The following TIMM44 variants were observed in gnomAD, a reference collection of about 807,000 sequenced individuals.
TIMM44 encodes the protein translocase of inner mitochondrial membrane 44.
A neutral mutation model predicts 63.8 loss-of-function variants in TIMM44; 37 were observed. That is an observed-to-expected ratio of 0.58 (90% confidence interval 0.45 to 0.76). The LOEUF is 0.76. TIMM44 is among the 30% of genes least tolerant of loss of function. The pLI, the probability that TIMM44 is intolerant of heterozygous loss-of-function variation, is 0.00. For synonymous variants in TIMM44, 239 were observed against 245.1 expected (o/e 0.98, Z 0.23); for missense variants, 573 against 603.8 (o/e 0.95, Z 0.54).
In TIMM44 at chr19:7,934,065, GC is replaced by G. The variant is rs759986163; in HGVS notation, c.543+23del. 6.2e-7 allele frequency: 1 copy of G among 1,613,120 alleles called. No individual in the cohort carries two copies. Among genetic ancestry groups the G allele is most frequent in the East Asian group, 2.2e-5 (1 of 44,872 alleles). On this transcript the variant is annotated intron_variant, in intron 5 of 12. Coordinates refer to ENST00000270538, the MANE Select transcript of TIMM44 (RefSeq NM_006351.4). The surrounding 1 kb of genome is among the most constrained non-coding windows in gnomAD (Gnocchi z 5.3). ...TGGGTTCGGCCGCCCCAGGCTGCATGCCCTAGCCCAGGACTGGGCTCACCTG... is the reference window on the plus strand; with the variant it reads ...TGGGTTCGGCCGCCCCAGGCTGCATGCCTAGCCCAGGACTGGGCTCACCTG...
chr19:7,926,932 T>A lies in TIMM44; in HGVS notation c.*255A>T. The A allele has an allele frequency of 2.0e-6, 1 of 495,522 alleles. No individual in the cohort carries two copies. The highest frequency in any genetic ancestry group is 3.7e-6 in the Non-Finnish European group (1 of 271,106). The allele number at this position is 495,522 out of a possible 1,614,324, so 30.7% of individuals were successfully genotyped here. A position where few individuals can be genotyped will look rare whatever the true frequency, so the allele number is the denominator to read the frequency against. ...CTGTGTGACCTGTGTGCACCCCAGG[T>A]GACCAGGCGCCGGGACCCCTGCAGG... On this transcript the variant is annotated 3_prime_UTR_variant, in exon 13 of 13. Transcript: ENST00000270538.
chr19:7,937,805 G>A (rs1599650896), intron 3 of TIMM44: 2 of 505,348 alleles, frequency 4.0e-6, no homozygotes, highest in Non-Finnish European at 7.1e-6. Flanking sequence ...ATCACTTGAG[G>A]TCAGGAGTTC....
At position 7,934,065 on chromosome 19, in the gene TIMM44, G is replaced by GC. The variant is rs759986163; in HGVS notation, c.543+23dup. 10 of 1,613,238 alleles carry GC rather than the reference G, an allele frequency of 6.2e-6. No homozygotes were observed. The South Asian group carries it at 1.1e-4, about 18-fold the overall frequency. On this transcript the variant is annotated intron_variant, in intron 5 of 12. Coordinates refer to ENST00000270538, the MANE Select transcript of TIMM44 (RefSeq NM_006351.4). The surrounding 1 kb of genome is among the most constrained non-coding windows in gnomAD (Gnocchi z 5.3). The stretch of plus-strand genomic sequence containing the variant: ...TGGGTTCGGCCGCCCCAGGCTGCAT[G>GC]CCCTAGCCCAGGACTGGGCTCACCT...
rs1461301247 is a variant in TIMM44 at position 7,933,736 on chromosome 19, C to G, written c.683+128G>C. On this transcript the variant is annotated intron_variant, in intron 6 of 12. Coordinates refer to ENST00000270538, the MANE Select transcript of TIMM44 (RefSeq NM_006351.4). This position sits in a 1 kb window ranked among gnomAD's most constrained non-coding sequence, Gnocchi z 4.3. ...CTCTCACCCTCAAATTCGAGGGAGC[C>G]GGGAACCTTGGGCAGAAGGCAAACT... 6.8e-7 allele frequency: 1 copy of G among 1,479,338 alleles called. No homozygotes were observed. Among genetic ancestry groups the G allele is most frequent in the African/African-American group, 1.4e-5 (1 of 72,434 alleles). 91.6% of individuals were successfully genotyped at this position (1,479,338 alleles called of 1,614,324 possible).
intron 2 of TIMM44, 98 bp downstream of exon 2, chr19:7,941,004 G>A (rs1014875336): frequency 1.3e-5 from 12 of 956,618 alleles, no homozygotes; most frequent in African/African-American, 8.0e-5. Flanking sequence ...GAGATGGTAC[G>A]AGCCACCTCT....
rs373424642 is a variant in TIMM44 at position 7,928,066 on chromosome 19, G to A, written c.1128+11C>T. The A allele has an allele frequency of 3.1e-4, 507 of 1,612,466 alleles. No homozygotes were observed. Among genetic ancestry groups the A allele is most frequent in the Non-Finnish European group, 4.1e-4 (485 of 1,178,988 alleles). ...CGATGGTGGCCCGGGCCCCCACTGCGAGGTGCTTACGTCGACGTTGTCAAT... is the reference window on the plus strand; with the variant it reads ...CGATGGTGGCCCGGGCCCCCACTGCAAGGTGCTTACGTCGACGTTGTCAAT... On this transcript the variant is annotated intron_variant, in intron 11 of 12. Transcript: ENST00000270538.
chr19:7,938,639 T>C (rs1219456586), intron 2 of TIMM44, among the ~76,000 whole-genome samples: 14 of 152,008 alleles, frequency 9.2e-5, no homozygotes, highest in Non-Finnish European at 1.6e-4. Context: ...AAACCTCATC[T>C]CTACTAAAAA....
In TIMM44 at chr19:7,927,258, C is replaced by T. The variant is rs1309443160; in HGVS notation, c.1288G>A (p.Asp430Asn). The change falls in exon 13 of 13, where the codon GAC (aspartate) becomes AAC (asparagine). Residue 430 changes from aspartate to asparagine, a missense_variant. Physicochemically the swap from Asp to Asn is conservative, Grantham distance 23 (BLOSUM62 1). Coordinates refer to ENST00000270538, the MANE Select transcript of TIMM44 (RefSeq NM_006351.4). ...CAGGCCGCGTAGGGGTTGAGCTCGT[C>T]CTGGTCTCGGCAGAGCGCCCACACG... is the stretch of plus-strand genomic sequence containing the variant. ...LYVWALCRDQ[D>N]ELNPYAAWRL... The T allele has an allele frequency of 3.7e-6, 6 of 1,612,402 alleles. No homozygotes were observed. In the South Asian group the frequency reaches 5.5e-5, roughly 15 times the overall value.
In TIMM44 at chr19:7,933,422, C is replaced by T. The variant is rs1426278508; in HGVS notation, c.769+63G>A. On this transcript the variant is annotated intron_variant, in intron 7 of 12. Transcript: ENST00000270538. This position sits in a 1 kb window ranked among gnomAD's most constrained non-coding sequence, Gnocchi z 4.3. Reference sequence around the variant, plus strand: ...TGTCTTGTGCCCAATGCAGGGGGATCACCTTGCGGTCCACCAACTGCCCGG... The same window carrying T: ...TGTCTTGTGCCCAATGCAGGGGGATTACCTTGCGGTCCACCAACTGCCCGG... The T allele has an allele frequency of 6.9e-7, 1 of 1,438,970 alleles. No homozygotes were observed. The highest frequency in any genetic ancestry group is 9.8e-7 in the Non-Finnish European group (1 of 1,020,236). The allele number at this position is 1,438,970 out of a possible 1,614,324, so 89.1% of individuals were successfully genotyped here. A position where few individuals can be genotyped will look rare whatever the true frequency, so the allele number is the denominator to read the frequency against.
rs748677678 is a variant in TIMM44, at chr19:7,933,609, C to T, written c.684-39G>A. 6.4e-7 allele frequency: 1 copy of T among 1,569,200 alleles called. No individual in the cohort carries two copies. Among genetic ancestry groups the T allele is most frequent in the East Asian group, 2.2e-5 (1 of 44,644 alleles). On this transcript the variant is annotated intron_variant, in intron 6 of 12. Transcript: ENST00000270538. The surrounding 1 kb of genome is among the most constrained non-coding windows in gnomAD (Gnocchi z 4.3). Reference sequence around the variant, plus strand: ...TGGGCCCTGGGGTGAGCGGCGGCGCCAGGGCCACCCTGTGCCCTCCTGCGG... The same window carrying T: ...TGGGCCCTGGGGTGAGCGGCGGCGCTAGGGCCACCCTGTGCCCTCCTGCGG...
rs958542029 is a variant in TIMM44, at chr19:7,933,749, C to G, written c.683+115G>C. ...ATTCGAGGGAGCCGGGAACCTTGGG[C>G]AGAAGGCAAACTCAAGAAACGGACT... On this transcript the variant is annotated intron_variant, in intron 6 of 12. Transcript: ENST00000270538. This position sits in a 1 kb window ranked among gnomAD's most constrained non-coding sequence, Gnocchi z 4.3. The G allele has an allele frequency of 2.6e-6, 4 of 1,524,982 alleles. No individual in the cohort carries two copies. The Admixed American group carries it at 5.0e-5, about 19-fold the overall frequency. 94.5% of individuals were successfully genotyped at this position (1,524,982 alleles called of 1,614,324 possible). A position where few individuals can be genotyped will look rare whatever the true frequency, so the allele number is the denominator to read the frequency against.
rs772176607 is a variant in TIMM44 at position 7,931,119 on chromosome 19, A to G, written c.1038+19T>C. The G allele has an allele frequency of 1.2e-6, 2 of 1,609,116 alleles. No individual in the cohort carries two copies. The highest frequency in any genetic ancestry group is 1.7e-6 in the Non-Finnish European group (2 of 1,178,144). ...TTAGGCCTTAAAAAAAAAAAAAGAAAAAGAAAGGAAGTACTCACAGCTTCA... is the reference window on the plus strand; with the variant it reads ...TTAGGCCTTAAAAAAAAAAAAAGAAGAAGAAAGGAAGTACTCACAGCTTCA... On this transcript the variant is annotated intron_variant, in intron 10 of 12. Coordinates refer to ENST00000270538, the MANE Select transcript of TIMM44 (RefSeq NM_006351.4).
chr19:7,927,726 G>T lies in TIMM44; in HGVS notation c.1170C>A (p.Ile390=). The change falls in exon 12 of 13, where the codon ATC becomes ATA. Residue 390 remains isoleucine, a synonymous_variant. Transcript: ENST00000270538. ...GKMMEQGPVL[I]ITFQAQLVMV... is the part of the protein sequence containing the mutation. ...TCACCAGCTGTGCCTGGAAGGTGAT[G>T]ATCAGCACCGGCCCCTGCTCCATCA... 1.9e-6 allele frequency: 3 copies of T among 1,613,060 alleles called. No homozygotes were observed. Among genetic ancestry groups the T allele is most frequent in the Non-Finnish European group, 1.7e-6 (2 of 1,180,014 alleles).
Position 7,934,113 on chromosome 19 carries a change from T to C in TIMM44, c.519A>G (p.Thr173=), listed in dbSNP as rs755949400. Residue 173 remains threonine, a synonymous_variant, in exon 5 of 13, where the codon ACA becomes ACG. Coordinates refer to ENST00000270538, the MANE Select transcript of TIMM44 (RefSeq NM_006351.4). The surrounding 1 kb of genome is among the most constrained non-coding windows in gnomAD (Gnocchi z 5.3). ...VSKGGEKLGR[T]AAFRALSQGV... Reference sequence around the variant, plus strand: ...CCTGGGAGAGGGCTCTGAAGGCCGCTGTCCTGCCCAGCTTCTCCCCGCCTT... The same window carrying C: ...CCTGGGAGAGGGCTCTGAAGGCCGCCGTCCTGCCCAGCTTCTCCCCGCCTT... 24 of 1,613,280 alleles carry C rather than the reference T, an allele frequency of 1.5e-5. No homozygotes were observed. The highest frequency in any genetic ancestry group is 1.7e-5 in the Admixed American group (1 of 60,002).
intron 10 of TIMM44, among the ~76,000 whole-genome samples, chr19:7,930,144 C>T (rs889184265): frequency 3.3e-5 from 5 of 151,232 alleles, no homozygotes; most frequent in Non-Finnish European, 7.4e-5. Context: ...CCACCGTGCC[C>T]GACCTATTTC....
intron 10 of TIMM44, among the ~76,000 whole-genome samples, chr19:7,929,336 C>G (rs574866940): frequency 6.6e-6 from 1 of 152,204 alleles, no homozygotes; most frequent in Non-Finnish European, 1.5e-5. Flanking sequence ...CAGGACACAG[C>G]TCCTTCCTGG....
rs1201883909 is a variant in TIMM44, at chr19:7,933,378, C to G, written c.769+107G>C. On this transcript the variant is annotated intron_variant, in intron 7 of 12. Coordinates refer to ENST00000270538, the MANE Select transcript of TIMM44 (RefSeq NM_006351.4). The surrounding 1 kb of genome is among the most constrained non-coding windows in gnomAD (Gnocchi z 4.3). Reference sequence around the variant, plus strand: ...ACCGGCCCACTCTGACCCCGATCTCCTCCTCTGCAAAACGGGGCTGTCTTG... The same window carrying G: ...ACCGGCCCACTCTGACCCCGATCTCGTCCTCTGCAAAACGGGGCTGTCTTG... 8.9e-6 allele frequency: 9 copies of G among 1,007,540 alleles called. No homozygotes were observed. The South Asian group carries it at 1.0e-4, about 11-fold the overall frequency. 62.4% of individuals were successfully genotyped at this position (1,007,540 alleles called of 1,614,324 possible).
At chr19:7,942,306 A>T (rs1008621360) in intron 1 of TIMM44, among the ~76,000 whole-genome samples, 1 of 152,052 alleles carries the variant, frequency 6.6e-6, no homozygotes, top group East Asian at 1.9e-4. Flanking sequence ...AGTTCTGTGC[A>T]GGCACTGAGC....
In TIMM44 at chr19:7,933,342, G is replaced by A. The variant is rs888468597; in HGVS notation, c.769+143C>T. ...TCTACAGCCCCACCATCATGTGACC[G>A]CAAAGAAGTGACCGGCCCACTCTGA... On this transcript the variant is annotated intron_variant, in intron 7 of 12. Coordinates refer to ENST00000270538, the MANE Select transcript of TIMM44 (RefSeq NM_006351.4). The surrounding 1 kb of genome is among the most constrained non-coding windows in gnomAD (Gnocchi z 4.3). 1.6e-5 allele frequency: 13 copies of A among 815,084 alleles called. No homozygotes were observed. Among genetic ancestry groups the A allele is most frequent in the Admixed American group, 8.5e-5 (5 of 58,682 alleles). 50.5% of individuals were successfully genotyped at this position (815,084 alleles called of 1,614,324 possible).
Sources: allele counts gnomAD v4.1 joint callset (sites outside exome capture counted in the v4.1 genomes callset), GRCh38; gene constraint gnomAD v4.1.1; non-coding constraint Gnocchi (gnomAD v3.1); transcripts MANE v1.5; gene names NCBI Gene and HGNC (gene_info 2026-07-23, HGNC 2026-07-21).